Variants in COPG2 observed in about 807,000 individuals in gnomAD.
COPG2 encodes the protein coatomer subunit gamma-2.
In COPG2, 37 loss-of-function variants were observed where a neutral mutation model predicts 46.3. The ratio of observed to expected loss-of-function variants is 0.80; its 90% confidence interval spans 0.61 to 1.05. The LOEUF (loss-of-function observed/expected upper bound fraction) is 1.05, where lower values mean the gene tolerates loss of function less well. COPG2 is among the 50% of genes least tolerant of loss of function. The probability of loss-of-function intolerance (pLI) is 0.00; values close to 1 mark genes in which losing one functional copy is unlikely to be tolerated. For missense variants in COPG2, 427 were observed against 387.8 expected (o/e 1.10, Z -0.85); for synonymous variants, 159 against 129.7 (o/e 1.23, Z -1.53).
At chr7:130,590,377 T>C (rs1439323777) in intron 9 of COPG2, among the ~76,000 whole-genome samples, 2 of 152,232 alleles carry the variant, frequency 1.3e-5, no homozygotes, top group African/African-American at 2.4e-5. Context: ...TGCCTCAGCC[T>C]GCCGAGTGCC....
At chr7:130,627,333 CA>C (rs1482724381) in intron 5 of COPG2, among the ~76,000 whole-genome samples, 3 of 152,162 alleles carry the variant, frequency 2.0e-5, no homozygotes, top group African/African-American at 7.2e-5. Flanking sequence ...CCCTCCTGCA[CA>C]AATAATTCAC....
intron 5 of COPG2, among the ~76,000 whole-genome samples, chr7:130,640,410 T>G (rs1795441560): frequency 6.6e-6 from 1 of 151,658 alleles, no homozygotes; most frequent in South Asian, 2.1e-4. Flanking sequence ...ATTGTTTTTG[T>G]TTTTTTGTCC....
At chr7:130,577,861 T>A (rs1202592972) in intron 9 of COPG2, among the ~76,000 whole-genome samples, 2 of 149,000 alleles carry the variant, frequency 1.3e-5, no homozygotes, top group African/African-American at 5.0e-5. Flanking sequence ...CCACGGAATC[T>A]CGCTGATTGC....
At chr7:130,535,374 G>A (rs966812486) in intron 20 of COPG2, among the ~76,000 whole-genome samples, 64,172 of 151,630 alleles carry the variant, frequency 0.42, 16,504 homozygotes, top group East Asian at 0.59. Flanking sequence ...GGCAGAAAGC[G>A]TGGTGGAAGG....
intron 4 of COPG2, 134 bp downstream of exon 4, chr7:130,662,833 T>C (rs952147719): frequency 3.1e-6 from 2 of 644,798 alleles, no homozygotes; most frequent in Non-Finnish European, 5.5e-6. Flanking sequence ...TAATGAATAT[T>C]TATAAGTTTT....
intron 9 of COPG2, among the ~76,000 whole-genome samples, chr7:130,599,764 T>G (rs1439346914): frequency 6.6e-6 from 1 of 152,194 alleles, no homozygotes. Context: ...GAAATTAGGA[T>G]AGTAATTTGC....
At chr7:130,536,557 G>A (rs1036496473) in intron 20 of COPG2, among the ~76,000 whole-genome samples, 17 of 152,302 alleles carry the variant, frequency 1.1e-4, no homozygotes, top group African/African-American at 3.8e-4. Context: ...AGGCTTCCTC[G>A]GGGTCCTGCA....
At chr7:130,510,196 C>A (rs781907214) in intron 20 of COPG2, 26 of 520,050 alleles carry the variant, frequency 5.0e-5, no homozygotes, top group South Asian at 3.5e-4. Flanking sequence ...ATTCAGAGAG[C>A]AGATGGATTC....
intron 9 of COPG2, chr7:130,607,871 C>T (rs1367124883): frequency 7.9e-6 from 4 of 506,850 alleles, no homozygotes; most frequent in African/African-American, 7.8e-5. Flanking sequence ...CCCAGTATAG[C>T]TTTTGTCTTT....
intron 9 of COPG2, among the ~76,000 whole-genome samples, chr7:130,566,737 C>T (rs1361236655): frequency 9.2e-5 from 14 of 152,086 alleles, no homozygotes; most frequent in Admixed American, 9.2e-4. Context: ...GTGGTTTGGC[C>T]CTTGTTCTGG....
intron 20 of COPG2, among the ~76,000 whole-genome samples, chr7:130,533,434 G>A (rs927293123): frequency 4.1e-4 from 63 of 152,038 alleles, no homozygotes; most frequent in Non-Finnish European, 7.2e-4. Context: ...GGTAAGACAA[G>A]CAAAGAATGA....
chr7:130,507,513 C>A, intron 22 of COPG2, 141 bp from the exon 23 acceptor site: 1 of 679,880 alleles, frequency 1.5e-6, no homozygotes, highest in Non-Finnish European at 2.7e-6. Flanking sequence ...GAGGCTACTA[C>A]TGGACTAGAA....
chr7:130,525,089 A>G (rs912075071), intron 20 of COPG2, among the ~76,000 whole-genome samples: 1 of 152,186 alleles, frequency 6.6e-6, no homozygotes, highest in Non-Finnish European at 1.5e-5. Flanking sequence ...GAGGAGAAAA[A>G]GAGAGACGTG....
chr7:130,513,367 A>G (rs1485556017), intron 20 of COPG2, among the ~76,000 whole-genome samples: 3 of 47,676 alleles, frequency 6.3e-5, no homozygotes, highest in African/African-American at 1.3e-4. Context: ...GTGTATATAT[A>G]TATATATATG....
At chr7:130,554,889 G>A (rs1793595533) in intron 13 of COPG2, 148 bp downstream of exon 13, 2 of 397,512 alleles carry the variant, frequency 5.0e-6, no homozygotes, top group African/African-American at 4.1e-5. Flanking sequence ...GCAATGGCAT[G>A]TTTAGTAATA....
intron 3 of COPG2, among the ~76,000 whole-genome samples, chr7:130,663,262 A>G (rs1281085523): frequency 6.6e-6 from 1 of 152,212 alleles, no homozygotes; most frequent in African/African-American, 2.4e-5. Flanking sequence ...ATCGCATACC[A>G]TGCTTAAAAG....
chr7:130,659,151 C>T (rs1447724658), intron 4 of COPG2, among the ~76,000 whole-genome samples: 8 of 151,650 alleles, frequency 5.3e-5, no homozygotes, highest in African/African-American at 1.9e-4. Context: ...GTCAGCAGAT[C>T]GAGACCATCC....
intron 9 of COPG2, among the ~76,000 whole-genome samples, chr7:130,574,508 C>T (rs1793970530): frequency 6.6e-6 from 1 of 152,122 alleles, no homozygotes; most frequent in Admixed American, 6.5e-5. Context: ...AGTACTACAT[C>T]CAAGCAACAC....
At chr7:130,509,830 G>A in intron 20 of COPG2, 1 of 503,990 alleles carries the variant, frequency 2.0e-6, no homozygotes, top group South Asian at 1.5e-5. Flanking sequence ...CCATGTGAGG[G>A]TGCGGGATTA....
Sources: allele counts gnomAD v4.1 joint callset (sites outside exome capture counted in the v4.1 genomes callset), GRCh38; gene constraint gnomAD v4.1.1; transcripts MANE v1.5; gene names NCBI Gene and HGNC (gene_info 2026-07-23, HGNC 2026-07-21).